LAMA2: variants seen among roughly 807,000 people sequenced by gnomAD.
LAMA2 encodes laminin subunit alpha 2.
Under a neutral mutation model 364.8 loss-of-function variants are expected in LAMA2, and 269 were observed. The ratio of observed to expected loss-of-function variants is 0.74; its 90% CI spans 0.67 to 0.82. LAMA2 has a LOEUF of 0.82. Ranked by LOEUF, LAMA2 falls within the 40% of genes least tolerant of loss-of-function variation. The pLI is 0.00. For missense variants in LAMA2, 3,807 were observed against 3,873.2 expected, an observed-to-expected ratio of 0.98 and a Z score of 0.45; for synonymous variants, 1,379 against 1,370.6, an observed-to-expected ratio of 1.01 and a Z score of -0.14.
chr6:129,171,391 A>G (rs971193762), intron 9 of LAMA2, among the ~76,000 whole-genome samples: 24 of 151,904 alleles, frequency 1.6e-4, no homozygotes, highest in Non-Finnish European at 3.4e-4. Context: ...ATCTCTCAGC[A>G]TTTGCTTGTC....
chr6:129,246,901 T>C (rs1785790579), intron 12 of LAMA2, among the ~76,000 whole-genome samples: 1 of 152,088 alleles, frequency 6.6e-6, no homozygotes, highest in African/African-American at 2.4e-5. Context: ...CAAAGCTTTT[T>C]CCCTGAATAA....
chr6:129,407,441 C>G (rs1304182625), intron 40 of LAMA2, among the ~76,000 whole-genome samples: 2 of 152,146 alleles, frequency 1.3e-5, no homozygotes, highest in African/African-American at 2.4e-5. Flanking sequence ...AAGTTAACAA[C>G]ACTTAAATGC....
At chr6:129,201,440 A>G (rs1782278791) in intron 12 of LAMA2, among the ~76,000 whole-genome samples, 2 of 152,216 alleles carry the variant, frequency 1.3e-5, no homozygotes, top group Non-Finnish European at 2.9e-5. Context: ...ACCTAAGGCT[A>G]ATGAAAGAAT....
chr6:129,022,601 A>C (rs1303044434), intron 1 of LAMA2, among the ~76,000 whole-genome samples: 1 of 152,198 alleles, frequency 6.6e-6, no homozygotes, highest in Non-Finnish European at 1.5e-5. Flanking sequence ...GATTTTGATA[A>C]ATGTGGACAA....
intron 32 of LAMA2, among the ~76,000 whole-genome samples, chr6:129,363,598 A>G (rs961452460): frequency 2.0e-5 from 3 of 152,198 alleles, no homozygotes; most frequent in Admixed American, 6.5e-5. Context: ...TCTGATTGCT[A>G]CTCAAAGTGT....
chr6:129,173,831 G>A (rs1780381889), intron 9 of LAMA2, among the ~76,000 whole-genome samples: 1 of 152,058 alleles, frequency 6.6e-6, no homozygotes, highest in African/African-American at 2.4e-5. Context: ...GCATTCATTT[G>A]ATTACGAGGG....
intron 61 of LAMA2, 70 bp from the exon 62 acceptor site, chr6:129,507,419 G>T: frequency 1.3e-6 from 2 of 1,502,056 alleles, no homozygotes; most frequent in South Asian, 2.3e-5. Context: ...CCCTGCAAAT[G>T]ACTGTATTCT....
At chr6:129,397,496 C>G (rs1252366465) in intron 37 of LAMA2, among the ~76,000 whole-genome samples, 1 of 152,130 alleles carries the variant, frequency 6.6e-6, no homozygotes, top group East Asian at 1.9e-4. Flanking sequence ...AAAGGCAAAA[C>G]AGATTGTTTT....
chr6:129,198,752 T>A (rs902466260), intron 12 of LAMA2, among the ~76,000 whole-genome samples: 22 of 151,782 alleles, frequency 1.4e-4, no homozygotes, highest in Non-Finnish European at 3.2e-4. Flanking sequence ...TTACACACAA[T>A]AAGAATACAA....
chr6:129,197,016 C>T (rs1190590515), intron 12 of LAMA2, among the ~76,000 whole-genome samples: 1 of 152,150 alleles, frequency 6.6e-6, no homozygotes, highest in East Asian at 1.9e-4. Flanking sequence ...TTAGACACCA[C>T]AGACCAACAG....
intron 22 of LAMA2, among the ~76,000 whole-genome samples, chr6:129,309,814 C>T (rs1297178086): frequency 6.6e-6 from 1 of 152,050 alleles, no homozygotes. Flanking sequence ...AGAAGCCGCC[C>T]TTATTGCAGC....
chr6:129,260,820 G>A lies in LAMA2; in HGVS notation c.2206G>A (p.Glu736Lys), dbSNP rs1391318849. The change falls in exon 15 of 65, where the codon GAA (glutamate) becomes AAA (lysine). Residue 736 changes from glutamate (E) to lysine (K), a missense_variant and splice_region_variant. By Grantham distance (56) the Glu-to-Lys change is moderately conservative. Coordinates refer to ENST00000421865, the MANE Select transcript of LAMA2 (RefSeq NM_000426.4). ...CPPGYTGSSC[E>K]SCWPRHRRVN... ...ACCAGGGTATACTGGCTCCTCTTGT[G>A]AAGTAAGCTTGCAAGAATGTATCCT... The A allele has an allele frequency of 5.7e-6, 9 of 1,565,400 alleles. No homozygotes were observed. The highest frequency in any genetic ancestry group is 7.9e-6 in the Non-Finnish European group (9 of 1,135,810).
At chr6:128,921,759 C>A (rs539272245) in intron 1 of LAMA2, among the ~76,000 whole-genome samples, 74 of 149,618 alleles carry the variant, frequency 4.9e-4, no homozygotes, top group Non-Finnish European at 8.1e-4. Flanking sequence ...CACAATGTGC[C>A]GATTAGTTAC....
At chr6:129,270,341 A>G (rs2114355810) in intron 16 of LAMA2, among the ~76,000 whole-genome samples, 1 of 152,134 alleles carries the variant, frequency 6.6e-6, no homozygotes, top group African/African-American at 2.4e-5. Context: ...TTTCTTAAGG[A>G]AAATAAAGAA....
intron 12 of LAMA2, among the ~76,000 whole-genome samples, chr6:129,216,574 A>G (rs1056322235): frequency 3.9e-5 from 6 of 152,362 alleles, no homozygotes; most frequent in African/African-American, 1.2e-4. Context: ...AAAGGAATTT[A>G]TCATGACAAA....
chr6:129,290,565 T>G (rs1032323), intron 19 of LAMA2, among the ~76,000 whole-genome samples: 1 of 152,194 alleles, frequency 6.6e-6, no homozygotes, highest in East Asian at 1.9e-4. Flanking sequence ...TGTTTATAGC[T>G]TAATTTTAGG....
chr6:129,164,448 A>G (rs1384492885), intron 8 of LAMA2, among the ~76,000 whole-genome samples: 1 of 152,220 alleles, frequency 6.6e-6, no homozygotes, highest in Non-Finnish European at 1.5e-5. Context: ...ACTGTAATTT[A>G]TCATCTCTAC....
At chr6:129,488,513 A>G (rs970014475) in intron 56 of LAMA2, among the ~76,000 whole-genome samples, 5 of 152,220 alleles carry the variant, frequency 3.3e-5, no homozygotes, top group Non-Finnish European at 7.3e-5. Flanking sequence ...AGGGCATTTT[A>G]TTATGCCAAC....
chr6:129,240,846 C>A (rs1437857541), intron 12 of LAMA2, among the ~76,000 whole-genome samples: 3 of 152,088 alleles, frequency 2.0e-5, no homozygotes, highest in Non-Finnish European at 4.4e-5. Flanking sequence ...AAAAGTAATG[C>A]CATAGAGTTG....
Sources: gnomAD v4.1 joint callset for allele counts (sites outside exome capture counted in the v4.1 genomes callset) on GRCh38, gnomAD v4.1.1 for gene constraint, MANE v1.5 for transcripts, NCBI Gene and HGNC (gene_info 2026-07-23, HGNC 2026-07-21) for gene names.